The following KPNA1 variants were observed in gnomAD, a reference collection of about 807,000 sequenced individuals.
The protein encoded by KPNA1 is karyopherin subunit alpha 1.
A neutral mutation model predicts 70.5 loss-of-function variants in KPNA1; 10 were observed. The ratio of observed to expected loss-of-function variants is 0.14; its 90% CI spans 0.09 to 0.24. The LOEUF (loss-of-function observed/expected upper bound fraction) is 0.24, where lower values mean the gene tolerates loss of function less well. Ranked by LOEUF, KPNA1 falls within the 10% of genes least tolerant of loss-of-function variation. The pLI, the probability that KPNA1 is intolerant of heterozygous loss-of-function variation, is 1.00. For missense variants in KPNA1, 397 were observed against 637.9 expected, an observed-to-expected ratio of 0.62 and a Z score of 4.07; for synonymous variants, 192 against 221.9, an observed-to-expected ratio of 0.87 and a Z score of 1.20.
intron 9 of KPNA1, among the ~76,000 whole-genome samples, chr3:122,447,965 A>G (rs970538219): frequency 1.3e-5 from 2 of 152,208 alleles, no homozygotes; most frequent in African/African-American, 4.8e-5. Context: ...ATGAACAGAC[A>G]CTTCTCAAAA....
At chr3:122,446,338 C>T (rs1445832596) in intron 9 of KPNA1, among the ~76,000 whole-genome samples, 1 of 152,182 alleles carries the variant, frequency 6.6e-6, no homozygotes, top group Non-Finnish European at 1.5e-5. Flanking sequence ...GACCAGAGTG[C>T]AATCAAATTA....
intron 2 of KPNA1, among the ~76,000 whole-genome samples, chr3:122,491,064 A>C (rs2076692860): frequency 6.6e-6 from 1 of 152,260 alleles, no homozygotes; most frequent in South Asian, 2.1e-4. Flanking sequence ...TTAAAGGTAT[A>C]CTAAAATAAT....
Position 122,496,455 on chromosome 3 carries a change from C to T in KPNA1, c.111G>A (p.Lys37=). 2.5e-6 allele frequency: 4 copies of T among 1,613,650 alleles called. No homozygotes were observed. In the South Asian group the frequency reaches 3.3e-5, roughly 13 times the overall value. The part of the protein sequence containing the change: ...RREEEGLQLR[K]QKREEQLFKR... ...GATTTACCTGCTCTTCTCTTTTCTG[C>T]TTTCGTAACTGCAGTCCTTCTTCCT... Residue 37 remains lysine, a synonymous_variant, in exon 2 of 14, where the codon AAG becomes AAA. Transcript: ENST00000344337.
rs1316779695 is a variant in KPNA1, at chr3:122,461,243, T to G, written c.413A>C (p.Lys138Thr). The change falls in exon 5 of 14, where the codon AAA becomes ACA. Residue 138 changes from lysine to threonine, a missense_variant. Physicochemically the swap from Lys to Thr is moderately conservative, Grantham distance 78 (BLOSUM62 -1). Coordinates refer to ENST00000344337, the MANE Select transcript of KPNA1 (RefSeq NM_002264.4). ...VARFVEFLKR[K>T]ENCTLQFESA... ...TCGCACCTGCAGTGTACAATTCTCTTTTCGTTTGAGGAACTCCACAAACCT... is the reference window on the plus strand; with the variant it reads ...TCGCACCTGCAGTGTACAATTCTCTGTTCGTTTGAGGAACTCCACAAACCT... 6.2e-7 allele frequency: 1 copy of G among 1,612,146 alleles called. No individual in the cohort carries two copies. Among genetic ancestry groups the G allele is most frequent in the East Asian group, 2.2e-5 (1 of 44,834 alleles).
rs944496354 is a variant in KPNA1, at chr3:122,496,651, T to C, written c.-5-81A>G. On this transcript the variant is annotated intron_variant, in intron 1 of 13. Coordinates refer to ENST00000344337, the MANE Select transcript of KPNA1 (RefSeq NM_002264.4). ...CTAAGAGCTCAGTCTTTTAAACATA[T>C]ACATGCCCAGACATATCCCAAAGGG... 6.9e-6 allele frequency: 9 copies of C among 1,304,740 alleles called. No individual in the cohort carries two copies. In the Admixed American group the frequency reaches 9.7e-5, roughly 14 times the overall value. The allele number at this position is 1,304,740 out of a possible 1,614,324, so 80.8% of individuals were successfully genotyped here.
chr3:122,511,522 A>G (rs2076955092), intron 1 of KPNA1, among the ~76,000 whole-genome samples: 1 of 152,196 alleles, frequency 6.6e-6, no homozygotes, highest in African/African-American at 2.4e-5. Flanking sequence ...GAAAGAAAGA[A>G]ACATACATTC....
In KPNA1 at chr3:122,496,447, C is replaced by T; in HGVS notation, c.119G>A (p.Arg40Lys). Residue 40 changes from arginine to lysine, a missense_variant, in exon 2 of 14, where the codon AGA (arginine) becomes AAA (lysine). Arg to Lys is a conservative substitution (Grantham distance 26, BLOSUM62 2). Transcript: ENST00000344337. ...AGGTAAAGGATTTACCTGCTCTTCTCTTTTCTGCTTTCGTAACTGCAGTCC... is the reference window on the plus strand; with the variant it reads ...AGGTAAAGGATTTACCTGCTCTTCTTTTTTCTGCTTTCGTAACTGCAGTCC... ...EEGLQLRKQK[R>K]EEQLFKRRNV... 6.2e-7 allele frequency: 1 copy of T among 1,613,684 alleles called. No homozygotes were observed. Among genetic ancestry groups the T allele is most frequent in the Non-Finnish European group, 8.5e-7 (1 of 1,179,698 alleles).
intron 2 of KPNA1, among the ~76,000 whole-genome samples, chr3:122,476,383 G>A (rs980565296): frequency 1.3e-5 from 2 of 152,084 alleles, no homozygotes; most frequent in African/African-American, 2.4e-5. Context: ...TTTTTGGATG[G>A]AACCCCAAAA....
At chr3:122,456,304 A>T (rs982185795) in intron 5 of KPNA1, among the ~76,000 whole-genome samples, 1 of 152,224 alleles carries the variant, frequency 6.6e-6, no homozygotes, top group Non-Finnish European at 1.5e-5. Context: ...AAAGTTCAAT[A>T]AACAGTCATC....
intron 9 of KPNA1, among the ~76,000 whole-genome samples, chr3:122,445,681 A>C (rs2076127613): frequency 2.0e-5 from 3 of 152,346 alleles, no homozygotes; most frequent in South Asian, 2.1e-4. Flanking sequence ...TAATAACCTT[A>C]ATTGTAAATG....
intron 2 of KPNA1, among the ~76,000 whole-genome samples, chr3:122,471,345 T>A (rs72958464): frequency 3.3e-4 from 50 of 152,326 alleles, no homozygotes; most frequent in African/African-American, 1.1e-3. Flanking sequence ...CCTTCACTGA[T>A]TTCAATTTGA....
intron 5 of KPNA1, chr3:122,457,902 A>C: frequency 7.8e-7 from 1 of 1,277,246 alleles, no homozygotes; most frequent in East Asian, 5.6e-5. Flanking sequence ...CCCAGATAGC[A>C]AACTCTGCAG....
chr3:122,483,135 G>A (rs1406451590), intron 2 of KPNA1: 1 of 155,102 alleles, frequency 6.4e-6, no homozygotes, highest in Non-Finnish European at 1.5e-5. Context: ...CAAAACAAAA[G>A]TGAAAAGGAA....
intron 11 of KPNA1, among the ~76,000 whole-genome samples, chr3:122,434,376 G>C (rs898957630): frequency 2.0e-5 from 3 of 152,056 alleles, no homozygotes; most frequent in African/African-American, 7.2e-5. Context: ...AAATTGTTAA[G>C]AGCTCAATTT....
chr3:122,478,937 A>C (rs936935075), intron 2 of KPNA1, among the ~76,000 whole-genome samples: 1 of 148,572 alleles, frequency 6.7e-6, no homozygotes, highest in Non-Finnish European at 1.5e-5. Flanking sequence ...AAAAACTCCT[A>C]AAAGGTAATA....
chr3:122,506,194 T>C lies in KPNA1; in HGVS notation c.-6+8563A>G, dbSNP rs564575320. ...AATCTCAAACACATTCTAAATGTTC[T>C]GAATATTTAAAATCCATAATACTCT... On this transcript the variant is annotated intron_variant, in intron 1 of 13. Coordinates refer to ENST00000344337, the MANE Select transcript of KPNA1 (RefSeq NM_002264.4). Among the ~76,000 whole-genome samples, 192 of 152,318 alleles carry C rather than the reference T, an allele frequency of 1.3e-3. 1 individual carries two copies. Among genetic ancestry groups the C allele is most frequent in the Non-Finnish European group, 1.7e-3 (119 of 68,038 alleles).
At chr3:122,479,401 T>C (rs930148885) in intron 2 of KPNA1, among the ~76,000 whole-genome samples, 1 of 152,214 alleles carries the variant, frequency 6.6e-6, no homozygotes, top group Non-Finnish European at 1.5e-5. Flanking sequence ...CTCATATTCA[T>C]TGCCGGCAGA....
chr3:122,486,336 C>T (rs186093096), intron 2 of KPNA1, among the ~76,000 whole-genome samples: 11 of 152,028 alleles, frequency 7.2e-5, no homozygotes, highest in Admixed American at 1.3e-4. Flanking sequence ...AAGTGAATAC[C>T]AAAATGATTA....
At chr3:122,490,204 C>T (rs925102180) in intron 2 of KPNA1, among the ~76,000 whole-genome samples, 60 of 152,334 alleles carry the variant, frequency 3.9e-4, no homozygotes, top group African/African-American at 1.3e-3. Flanking sequence ...TTTGATATTC[C>T]ATCCTACGAA....
Sources: gnomAD v4.1 joint callset for allele counts (sites outside exome capture counted in the v4.1 genomes callset) on GRCh38, gnomAD v4.1.1 for gene constraint, MANE v1.5 for transcripts, NCBI Gene and HGNC (gene_info 2026-07-23, HGNC 2026-07-21) for gene names.